Variants in GAS2 observed in about 807,000 individuals in gnomAD.
GAS2 encodes the protein growth arrest-specific protein 2.
GAS2 carries 20 observed loss-of-function variants against 37.5 expected under a neutral mutation model. The ratio of observed to expected loss-of-function variants is 0.53; its 90% CI spans 0.37 to 0.77. The LOEUF is 0.77. Ranked by LOEUF, GAS2 falls within the 30% of genes least tolerant of loss-of-function variation. The probability of loss-of-function intolerance (pLI) is 0.00; values close to 1 mark genes in which losing one functional copy is unlikely to be tolerated. For missense variants in GAS2, 336 were observed against 373.4 expected, an observed-to-expected ratio of 0.90 and a Z score of 0.82; for synonymous variants, 144 against 132.2, an observed-to-expected ratio of 1.09 and a Z score of -0.61.
intron 3 of GAS2, among the ~76,000 whole-genome samples, chr11:22,725,997 A>T (rs1174761143): frequency 2.0e-5 from 3 of 152,106 alleles, no homozygotes; most frequent in Non-Finnish European, 4.4e-5. Context: ...GATGAAAGGG[A>T]AGGCCATAAA....
At chr11:22,771,394 T>C (rs1854974156) in intron 7 of GAS2, among the ~76,000 whole-genome samples, 1 of 152,178 alleles carries the variant, frequency 6.6e-6, no homozygotes, top group Non-Finnish European at 1.5e-5. Context: ...TTTCAGAATG[T>C]CTCAATTCTA....
At chr11:22,652,661 T>A (rs2133834292) in intron 1 of GAS2, among the ~76,000 whole-genome samples, 1 of 152,330 alleles carries the variant, frequency 6.6e-6, no homozygotes, top group South Asian at 2.1e-4. Flanking sequence ...AGCGCAGTAT[T>A]CGGGTGGGAG....
At chr11:22,644,357 G>A (rs1008482383) in intron 1 of GAS2, among the ~76,000 whole-genome samples, 3 of 152,016 alleles carry the variant, frequency 2.0e-5, no homozygotes, top group African/African-American at 7.2e-5. Flanking sequence ...CAATATCACA[G>A]AGGCATTTTG....
chr11:22,765,684 C>T (rs1405765770), intron 7 of GAS2, among the ~76,000 whole-genome samples: 4 of 151,432 alleles, frequency 2.6e-5, no homozygotes, highest in African/African-American at 9.7e-5. Flanking sequence ...GAGGCTGAGA[C>T]AGGAGAATGG....
chr11:22,668,033 T>A (rs762911177), intron 1 of GAS2: 1 of 152,168 alleles, frequency 6.6e-6, no homozygotes, highest in Admixed American at 6.5e-5. Context: ...ATCCTAGTAT[T>A]AAAATAAAGG....
At chr11:22,672,812 C>G (rs1849256571) in intron 1 of GAS2, 1 of 56,178 alleles carries the variant, frequency 1.8e-5, no homozygotes. Flanking sequence ...TAGGACTAGA[C>G]ATATTTTTTT....
intron 3 of GAS2, among the ~76,000 whole-genome samples, chr11:22,693,601 T>A (rs895651239): frequency 6.6e-6 from 1 of 152,204 alleles, no homozygotes; most frequent in Non-Finnish European, 1.5e-5. Context: ...TTATGACATT[T>A]TTTGAGAATA....
At chr11:22,766,948 A>T (rs1391170404) in intron 7 of GAS2, among the ~76,000 whole-genome samples, 3 of 152,172 alleles carry the variant, frequency 2.0e-5, no homozygotes, top group Admixed American at 6.5e-5. Flanking sequence ...AAAGGGTCTA[A>T]ACTAAACATA....
chr11:22,796,873 T>G (rs1262256577), intron 7 of GAS2, among the ~76,000 whole-genome samples: 1 of 152,102 alleles, frequency 6.6e-6, no homozygotes, highest in Non-Finnish European at 1.5e-5. Context: ...GTAGAGGGAA[T>G]GGTTTTTCTT....
At chr11:22,724,100 C>T (rs919592113) in intron 3 of GAS2, among the ~76,000 whole-genome samples, 5 of 151,830 alleles carry the variant, frequency 3.3e-5, no homozygotes, top group Admixed American at 2.6e-4. Flanking sequence ...ATATATGTAT[C>T]ACAACATATT....
intron 1 of GAS2, among the ~76,000 whole-genome samples, chr11:22,673,251 G>A (rs1849277957): frequency 6.6e-6 from 1 of 152,028 alleles, no homozygotes; most frequent in Admixed American, 6.6e-5. Context: ...TTCTTCAAAA[G>A]CAATATTTAA....
chr11:22,765,908 A>C (rs1854666362), intron 7 of GAS2, among the ~76,000 whole-genome samples: 1 of 152,218 alleles, frequency 6.6e-6, no homozygotes, highest in South Asian at 2.1e-4. Flanking sequence ...GTTTCTATAC[A>C]CGGTGGAAGA....
chr11:22,778,505 A>G (rs1482392374), intron 7 of GAS2, among the ~76,000 whole-genome samples: 4 of 152,262 alleles, frequency 2.6e-5, no homozygotes, highest in African/African-American at 4.8e-5. Context: ...GCTTGAAGAG[A>G]TGGCCTCTCC....
At chr11:22,660,314 C>T (rs1479258634) in intron 1 of GAS2, among the ~76,000 whole-genome samples, 2 of 151,910 alleles carry the variant, frequency 1.3e-5, no homozygotes, top group Admixed American at 6.6e-5. Flanking sequence ...ATTCTCTGAA[C>T]GTTTGTATTT....
rs200683264 is a variant in GAS2, at chr11:22,749,132, G to A, written c.486G>A (p.Glu162=). 1.6e-5 allele frequency: 25 copies of A among 1,611,864 alleles called. No individual in the cohort carries two copies. Among genetic ancestry groups the A allele is most frequent in the South Asian group, 2.2e-5 (2 of 90,954 alleles). Residue 162 remains glutamate (E), a synonymous_variant, in exon 6 of 8, where the codon GAG becomes GAA. Coordinates refer to ENST00000454584, the MANE Select transcript of GAS2 (RefSeq NM_001143830.3). ...GGTCTTTTTAAAGGTATGGTGTGGA[G>A]CCTCCTGGTTTGATAAAGCTGGAAA... is the stretch of plus-strand genomic sequence containing the variant. ...LGRIAARYGV[E]PPGLIKLEKE...
At chr11:22,653,148 C>G (rs948446277) in intron 1 of GAS2, among the ~76,000 whole-genome samples, 3 of 151,272 alleles carry the variant, frequency 2.0e-5, no homozygotes, top group East Asian at 1.9e-4. Context: ...CTCCTCTCCT[C>G]TCCTCCTGCT....
At chr11:22,787,709 ATGCAGCAC>A (rs1855885702) in intron 7 of GAS2, among the ~76,000 whole-genome samples, 1 of 152,200 alleles carries the variant, frequency 6.6e-6, no homozygotes, top group South Asian at 2.1e-4. Context: ...AATTTAAACA[ATGCAGCAC>A]TGCATTTTTA....
intron 3 of GAS2, among the ~76,000 whole-genome samples, chr11:22,700,967 G>T (rs1210333973): frequency 2.6e-5 from 4 of 152,014 alleles, no homozygotes; most frequent in Non-Finnish European, 4.4e-5. Context: ...CCCAATAACT[G>T]CCTCTTTTGC....
intron 3 of GAS2, among the ~76,000 whole-genome samples, chr11:22,717,906 C>A (rs1028810747): frequency 6.6e-6 from 1 of 152,084 alleles, no homozygotes; most frequent in Non-Finnish European, 1.5e-5. Context: ...AAATGCAAAT[C>A]AAAACCACAA....
Sources: gnomAD v4.1 joint callset for allele counts (sites outside exome capture counted in the v4.1 genomes callset) on GRCh38, gnomAD v4.1.1 for gene constraint, MANE v1.5 for transcripts, NCBI Gene and HGNC (gene_info 2026-07-23, HGNC 2026-07-21) for gene names.